Variants in NAPEPLD observed in about 807,000 individuals in gnomAD.
NAPEPLD encodes the protein N-acyl phosphatidylethanolamine phospholipase D, also known as N-acyl-phosphatidylethanolamine-hydrolyzing phospholipase D.
NAPEPLD carries 23 observed loss-of-function variants against 38.1 expected under a neutral mutation model. The ratio of observed to expected loss-of-function variants is 0.60; its 90% CI spans 0.43 to 0.86. NAPEPLD has a LOEUF of 0.86. Among genes scored for constraint, NAPEPLD ranks in the 40% least tolerant of loss-of-function variants. NAPEPLD has a pLI of 0.00. For missense variants in NAPEPLD, 411 were observed against 476.8 expected, an observed-to-expected ratio of 0.86 and a Z score of 1.28; for synonymous variants, 147 against 162.0, an observed-to-expected ratio of 0.91 and a Z score of 0.71.
chr7:103,126,919 C>T (rs943909953), intron 2 of NAPEPLD: 3 of 151,582 alleles, frequency 2.0e-5, no homozygotes, highest in Non-Finnish European at 1.5e-5. Flanking sequence ...TGAGCTACTG[C>T]ACCTAGCCAT....
At chr7:103,108,342 C>A (rs1224537347) in intron 4 of NAPEPLD, among the ~76,000 whole-genome samples, 1 of 152,086 alleles carries the variant, frequency 6.6e-6, no homozygotes, top group African/African-American at 2.4e-5. Context: ...GGGGTTTCAC[C>A]ATGTTGGTCA....
At chr7:103,110,781 G>A (rs1804355909) in intron 4 of NAPEPLD, among the ~76,000 whole-genome samples, 1 of 152,190 alleles carries the variant, frequency 6.6e-6, no homozygotes, top group African/African-American at 2.4e-5. Context: ...AAAAGAGGAA[G>A]TCAGATTGTC....
At chr7:103,110,824 A>G (rs766303796) in intron 4 of NAPEPLD, among the ~76,000 whole-genome samples, 1 of 152,206 alleles carries the variant, frequency 6.6e-6, no homozygotes, top group Non-Finnish European at 1.5e-5. Flanking sequence ...GTATATTTAG[A>G]GAAACCCATC....
chr7:103,109,613 A>G (rs1804103546), intron 4 of NAPEPLD, among the ~76,000 whole-genome samples: 1 of 152,182 alleles, frequency 6.6e-6, no homozygotes, highest in Admixed American at 6.5e-5. Flanking sequence ...TGTAGAGGAA[A>G]TTTATAGCAT....
chr7:103,128,063 T>C (rs1230413776), intron 2 of NAPEPLD: 4 of 167,740 alleles, frequency 2.4e-5, no homozygotes, highest in South Asian at 1.7e-4. Flanking sequence ...TCATGATCCA[T>C]ATTCTACACA....
At position 103,099,814 on chromosome 7, in the gene NAPEPLD, A is replaced by C. The variant is rs1027190173; in HGVS notation, c.*3615T>G. The C allele has an allele frequency of 6.6e-6, 1 of 152,026 alleles. No homozygotes were observed. Among genetic ancestry groups the C allele is most frequent in the Non-Finnish European group, 1.5e-5 (1 of 68,004 alleles). The allele number at this position is 152,026 out of a possible 1,614,324, so 9.4% of individuals were successfully genotyped here. A position where few individuals can be genotyped will look rare whatever the true frequency, so the allele number is the denominator to read the frequency against. On this transcript the variant is annotated 3_prime_UTR_variant, in exon 5 of 5. Transcript: ENST00000465647. Reference sequence around the variant, plus strand: ...GACAGTACTTTATTAATTTTCATCCATATTTTACTTGACTAAAAATACAAT... The same window carrying C: ...GACAGTACTTTATTAATTTTCATCCCTATTTTACTTGACTAAAAATACAAT...
chr7:103,134,448 G>A (rs976835622), intron 1 of NAPEPLD, among the ~76,000 whole-genome samples: 2 of 151,942 alleles, frequency 1.3e-5, no homozygotes, highest in Non-Finnish European at 2.9e-5. Context: ...TCGGGAGTTC[G>A]AGACCAGCCT....
At chr7:103,105,751 G>A (rs950021261) in intron 4 of NAPEPLD, among the ~76,000 whole-genome samples, 3 of 152,062 alleles carry the variant, frequency 2.0e-5, no homozygotes, top group African/African-American at 7.2e-5. Flanking sequence ...TGGCCAACAT[G>A]GCAAAACCCT....
chr7:103,110,356 C>G (rs79114898), intron 4 of NAPEPLD, among the ~76,000 whole-genome samples: 3 of 152,100 alleles, frequency 2.0e-5, no homozygotes, highest in African/African-American at 4.8e-5. Context: ...GCAAACTGAA[C>G]CCAGCAGCAC....
At chr7:103,125,551 G>A (rs1024789184) in intron 2 of NAPEPLD, among the ~76,000 whole-genome samples, 2 of 152,078 alleles carry the variant, frequency 1.3e-5, no homozygotes, top group African/African-American at 4.8e-5. Flanking sequence ...GACATTTTCA[G>A]TCATCCCTAC....
At chr7:103,111,791 CA>C (rs986862053) in intron 4 of NAPEPLD, among the ~76,000 whole-genome samples, 4 of 151,492 alleles carry the variant, frequency 2.6e-5, no homozygotes, top group African/African-American at 7.3e-5. Context: ...TTCTGCACAG[CA>C]AAAAAAATTA....
chr7:103,119,675 G>A lies in NAPEPLD; in HGVS notation c.843C>T (p.Phe281=), dbSNP rs147416689. The A allele has an allele frequency of 3.0e-5, 48 of 1,613,442 alleles. No homozygotes were observed. The highest frequency in any genetic ancestry group is 2.7e-4 in the Admixed American group (16 of 59,912). ...SVLGPWNRFF[F]AGDTGYCPAF... is the part of the protein sequence containing the mutation. The stretch of plus-strand genomic sequence containing the variant: ...CAGGGCAATAACCAGTATCTCCTGC[G>A]AAAAAAAATCGATTCCAAGGCCCCA... The change falls in exon 3 of 5, where the codon TTC becomes TTT. Residue 281 remains phenylalanine (F), a synonymous_variant. Coordinates refer to ENST00000465647, the MANE Select transcript of NAPEPLD (RefSeq NM_001122838.3).
intron 1 of NAPEPLD, among the ~76,000 whole-genome samples, chr7:103,137,595 C>G (rs1006640902): frequency 6.6e-6 from 1 of 151,870 alleles, no homozygotes; most frequent in African/African-American, 2.4e-5. Context: ...ATAGCAAGCA[C>G]AAAGTGCAGG....
At chr7:103,128,827 A>G in intron 1 of NAPEPLD, 35 bp from the exon 2 acceptor site, 1 of 1,558,488 alleles carries the variant, frequency 6.4e-7, no homozygotes, top group Non-Finnish European at 8.6e-7. Flanking sequence ...ACTGAGTTGA[A>G]CATAAAGGCA....
chr7:103,115,488 A>G (rs1429061562), intron 3 of NAPEPLD: 8 of 224,054 alleles, frequency 3.6e-5, no homozygotes, highest in East Asian at 2.0e-4. Flanking sequence ...ACAAATTGCT[A>G]TAAAATAAGT....
chr7:103,119,782 AAGTG>A lies in NAPEPLD; in HGVS notation c.732_735del (p.Thr245LeufsTer14). 1 of 1,614,176 alleles carries A rather than the reference AAGTG, an allele frequency of 6.2e-7. No individual in the cohort carries two copies. ...CAGTGCTGGGAAGGTGTAAAGACAAAAGTGACCTTATCATGTCCGGGGACACAAT... is the reference window on the plus strand; with the variant it reads ...CAGTGCTGGGAAGGTGTAAAGACAAAACCTTATCATGTCCGGGGACACAAT... On this transcript the variant is annotated frameshift_variant, in exon 3 of 5. Transcript: ENST00000465647. LOFTEE classifies it high-confidence loss of function.
rs73412129 is a variant in NAPEPLD at position 103,148,816 on chromosome 7, T to C, written c.-22A>G. On this transcript the variant is annotated 5_prime_UTR_variant, in exon 1 of 5. Coordinates refer to ENST00000465647, the MANE Select transcript of NAPEPLD (RefSeq NM_001122838.3). ...CCAAAAGAAGATAAACCCACATGTA[T>C]TCCTATCAGTGAAGATGCAACCTGG... is the stretch of plus-strand genomic sequence containing the variant. 4.9e-3 allele frequency: 4,802 copies of C among 985,348 alleles called. 168 individuals carry two copies. In the African/African-American group the frequency reaches 0.075, roughly 15 times the overall value. 61.0% of individuals were successfully genotyped at this position (985,348 alleles called of 1,614,324 possible).
chr7:103,119,751 T>C lies in NAPEPLD; in HGVS notation c.767A>G (p.Lys256Arg). The part of the protein sequence containing the change: ...FVFTPSQHWC[K>R]RTLMDDNKVL... ...CTTGTTGTCATCCATTAGAGTCCTT[T>C]TACACCAGTGCTGGGAAGGTGTAAA... The change falls in exon 3 of 5, where the codon AAA becomes AGA. Residue 256 changes from lysine to arginine, a missense_variant. Coordinates refer to ENST00000465647, the MANE Select transcript of NAPEPLD (RefSeq NM_001122838.3). 1.2e-6 allele frequency: 2 copies of C among 1,614,126 alleles called. No individual in the cohort carries two copies. Among genetic ancestry groups the C allele is most frequent in the Middle Eastern group, 1.6e-4 (1 of 6,062 alleles).
At chr7:103,141,526 G>C (rs1811356475) in intron 1 of NAPEPLD, 3 of 1,433,854 alleles carry the variant, frequency 2.1e-6, no homozygotes, top group Non-Finnish European at 2.9e-6. Flanking sequence ...TGTGTTCCAT[G>C]AGAATCTGCT....
Sources: allele counts gnomAD v4.1 joint callset (sites outside exome capture counted in the v4.1 genomes callset), GRCh38; gene constraint gnomAD v4.1.1; transcripts MANE v1.5; gene names NCBI Gene and HGNC (gene_info 2026-07-23, HGNC 2026-07-21).